The following PRDM2 variants were observed in gnomAD, a reference collection of about 807,000 sequenced individuals.
The protein encoded by PRDM2 is PR domain zinc finger protein 2.
PRDM2 carries 30 observed loss-of-function variants against 130.0 expected under a neutral mutation model. The ratio of observed to expected loss-of-function variants is 0.23; its 90% CI spans 0.17 to 0.31. The LOEUF is 0.31. PRDM2 is among the 10% of genes least tolerant of loss of function. The pLI is 1.00. For synonymous variants in PRDM2, 871 were observed against 782.4 expected (o/e 1.11, Z -1.89); for missense variants, 2,011 against 2,108.4 (o/e 0.95, Z 0.90).
At chr1:13,730,272 C>T (rs1332495068) in intron 2 of PRDM2, among the ~76,000 whole-genome samples, 3 of 152,210 alleles carry the variant, frequency 2.0e-5, no homozygotes, top group Admixed American at 6.5e-5. Context: ...CTCTCCCTTC[C>T]TTACATACAT....
intron 6 of PRDM2, among the ~76,000 whole-genome samples, chr1:13,765,781 T>G (rs1295527144): frequency 6.6e-6 from 1 of 152,166 alleles, no homozygotes; most frequent in African/African-American, 2.4e-5. Flanking sequence ...TGGCCATTCT[T>G]AAGATAACAA....
At position 13,715,571 on chromosome 1, in the gene PRDM2, G is replaced by T; in HGVS notation, c.-35G>T. On this transcript the variant is annotated 5_prime_UTR_variant, in exon 2 of 10. Transcript: ENST00000311066. ...ATGTAATCAAAGAAGTTTCTTTGTT[G>T]TGTGTATCTTTACAGAACACAACAG... 6.5e-7 allele frequency: 1 copy of T among 1,547,196 alleles called. No individual in the cohort carries two copies. Among genetic ancestry groups the T allele is most frequent in the Non-Finnish European group, 8.7e-7 (1 of 1,149,254 alleles).
chr1:13,749,615 A>G (rs2100536449), intron 6 of PRDM2, 128 bp downstream of exon 6: 1 of 480,478 alleles, frequency 2.1e-6, no homozygotes, highest in Non-Finnish European at 2.7e-6. Flanking sequence ...CGCCCGCGGC[A>G]TCTCGGTGAC....
At chr1:13,772,501 G>A (rs947746825) in intron 6 of PRDM2, among the ~76,000 whole-genome samples, 6 of 152,194 alleles carry the variant, frequency 3.9e-5, no homozygotes, top group African/African-American at 1.4e-4. Flanking sequence ...GGCTCTCAGA[G>A]TGCCATGCTG....
At chr1:13,798,371 C>T (rs1009165410) in intron 8 of PRDM2, among the ~76,000 whole-genome samples, 6 of 152,048 alleles carry the variant, frequency 3.9e-5, no homozygotes, top group Admixed American at 2.6e-4. Flanking sequence ...AAAATCAAGC[C>T]GAAAGAAAAG....
At chr1:13,791,120 T>G (rs1311042870) in intron 8 of PRDM2, among the ~76,000 whole-genome samples, 1 of 152,172 alleles carries the variant, frequency 6.6e-6, no homozygotes, top group African/African-American at 2.4e-5. Context: ...TAGGGTTTTT[T>G]TTTTTTAAGG....
chr1:13,805,843 C>A (rs780811279), intron 8 of PRDM2, among the ~76,000 whole-genome samples: 1 of 152,284 alleles, frequency 6.6e-6, no homozygotes, highest in South Asian at 2.1e-4. Context: ...ATGCCCATGG[C>A]GGTCTGGCAG....
chr1:13,727,329 A>G (rs978154960), intron 2 of PRDM2, among the ~76,000 whole-genome samples: 3 of 151,862 alleles, frequency 2.0e-5, no homozygotes, highest in Non-Finnish European at 4.4e-5. Flanking sequence ...ATCTCGGCTC[A>G]TTGCAACCTC....
chr1:13,791,667 G>A (rs933172505), intron 8 of PRDM2, among the ~76,000 whole-genome samples: 3 of 152,146 alleles, frequency 2.0e-5, no homozygotes, highest in Non-Finnish European at 4.4e-5. Context: ...GGGGTGTGTA[G>A]GTTTCATTTA....
intron 6 of PRDM2, among the ~76,000 whole-genome samples, chr1:13,757,991 G>T (rs1289947104): frequency 6.6e-6 from 1 of 151,962 alleles, no homozygotes; most frequent in Non-Finnish European, 1.5e-5. Context: ...CTAAGGAGGG[G>T]CACGCGTTGA....
intron 2 of PRDM2, among the ~76,000 whole-genome samples, chr1:13,723,326 T>C (rs1361294467): frequency 2.0e-5 from 3 of 152,202 alleles, no homozygotes; most frequent in African/African-American, 4.8e-5. Context: ...CCACATTAGC[T>C]TGGGGTGCAG....
chr1:13,803,749 C>T lies in PRDM2; in HGVS notation c.5037-12678C>T, dbSNP rs933048836. Among the ~76,000 whole-genome samples, 10 of 152,142 alleles carry T rather than the reference C, an allele frequency of 6.6e-5. No homozygotes were observed. The highest frequency in any genetic ancestry group is 1.9e-4 in the African/African-American group (8 of 41,440). On this transcript the variant is annotated intron_variant, in intron 8 of 9. Transcript: ENST00000311066. The surrounding 1 kb of genome is among the most constrained non-coding windows in gnomAD (Gnocchi z 6.2). ...GGGCCGAGGTCACTGCAGGCCAGGC[C>T]GGGCCAGCCTCCCTATCAACTGGGT...
chr1:13,817,623 A>G (rs143547263), intron 9 of PRDM2, among the ~76,000 whole-genome samples: 69 of 151,704 alleles, frequency 4.5e-4, no homozygotes, highest in African/African-American at 1.5e-3. Flanking sequence ...CTCAGAGTCC[A>G]GTTCCAAATG....
chr1:13,813,762 C>A (rs554129029), intron 8 of PRDM2, among the ~76,000 whole-genome samples: 1 of 152,310 alleles, frequency 6.6e-6, no homozygotes, highest in South Asian at 2.1e-4. Context: ...CCGACCTACT[C>A]GTTCCACCCA....
At chr1:13,813,037 T>C (rs1645198187) in intron 8 of PRDM2, among the ~76,000 whole-genome samples, 1 of 152,190 alleles carries the variant, frequency 6.6e-6, no homozygotes, top group Non-Finnish European at 1.5e-5. Flanking sequence ...TACTGCATCC[T>C]CCTGGGGTGA....
At chr1:13,772,828 T>G (rs1398965436) in intron 6 of PRDM2, among the ~76,000 whole-genome samples, 1 of 152,186 alleles carries the variant, frequency 6.6e-6, no homozygotes, top group East Asian at 1.9e-4. Flanking sequence ...TGCCCAAGAT[T>G]CTCAAAAATG....
At chr1:13,785,444 C>T (rs926785036) in intron 8 of PRDM2, among the ~76,000 whole-genome samples, 3 of 152,168 alleles carry the variant, frequency 2.0e-5, no homozygotes, top group African/African-American at 7.2e-5. Flanking sequence ...ATGCCACTTT[C>T]GGATTCCACA....
chr1:13,793,833 T>C (rs1644880830), intron 8 of PRDM2, among the ~76,000 whole-genome samples: 1 of 151,278 alleles, frequency 6.6e-6, no homozygotes, highest in Non-Finnish European at 1.5e-5. Flanking sequence ...AAGAAAGATA[T>C]CGCAAAAAAA....
At chr1:13,813,134 C>T (rs958988872) in intron 8 of PRDM2, among the ~76,000 whole-genome samples, 6 of 152,200 alleles carry the variant, frequency 3.9e-5, no homozygotes, top group African/African-American at 1.4e-4. Context: ...ATGCCCTGCA[C>T]GGAGACCTTT....
Sources: gnomAD v4.1 joint callset for allele counts (sites outside exome capture counted in the v4.1 genomes callset) on GRCh38, gnomAD v4.1.1 for gene constraint, Gnocchi (gnomAD v3.1) non-coding constraint, MANE v1.5 for transcripts, NCBI Gene and HGNC (gene_info 2026-07-23, HGNC 2026-07-21) for gene names.